Variants in PTK2 observed in about 807,000 individuals in gnomAD.
PTK2 encodes the protein focal adhesion kinase 1.
A neutral mutation model predicts 150.1 loss-of-function variants in PTK2; 45 were observed. The observed-to-expected ratio is 0.30, with a 90% CI of 0.24 to 0.38. The LOEUF (loss-of-function observed/expected upper bound fraction) is 0.38, where lower values mean the gene tolerates loss of function less well. Among genes scored for constraint, PTK2 ranks in the 10% least tolerant of loss-of-function variants. The probability of loss-of-function intolerance (pLI) is 1.00; values close to 1 mark genes in which losing one functional copy is unlikely to be tolerated. For missense variants in PTK2, 919 were observed against 1,307.3 expected (o/e 0.70, Z 4.58); for synonymous variants, 432 against 449.2 (o/e 0.96, Z 0.48).
chr8:140,789,654 T>C, intron 13 of PTK2, 128 bp from the exon 14 acceptor site: 1 of 804,840 alleles, frequency 1.2e-6, no homozygotes, highest in Non-Finnish European at 2.0e-6. Context: ...TCTTTAAAAA[T>C]TGGATTCTAC....
At chr8:140,963,834 AG>A (rs2100184249) in intron 1 of PTK2, among the ~76,000 whole-genome samples, 1 of 152,078 alleles carries the variant, frequency 6.6e-6, no homozygotes, top group Admixed American at 6.6e-5. Flanking sequence ...AGAATATTCC[AG>A]GGGGAACAGG....
rs560282368 is a variant in PTK2 at position 140,735,928 on chromosome 8, C to A, written c.1826-473G>T. Reference sequence around the variant, plus strand: ...CTTCCCTTAACAAGGTTGGCCTCTTCTTGTCTAGAGTGCATAAAGGCACCA... The same window carrying A: ...CTTCCCTTAACAAGGTTGGCCTCTTATTGTCTAGAGTGCATAAAGGCACCA... On this transcript the variant is annotated intron_variant, in intron 21 of 31. Coordinates refer to ENST00000522684, the Ensembl canonical transcript of PTK2. Among the ~76,000 whole-genome samples the A allele has an allele frequency of 1.2e-4, 18 of 152,314 alleles. No homozygotes were observed. The South Asian group carries it at 3.3e-3, about 28-fold the overall frequency.
intron 4 of PTK2, among the ~76,000 whole-genome samples, chr8:140,867,393 G>A (rs571559194): frequency 5.4e-4 from 82 of 152,302 alleles, no homozygotes; most frequent in Admixed American, 8.5e-4. Flanking sequence ...CAGCTATTTA[G>A]AGGTAGGCAT....
Position 140,989,262 on chromosome 8 carries a change from G to A in PTK2, c.-122+11863C>T, listed in dbSNP as rs542793854. Among the ~76,000 whole-genome samples the A allele has an allele frequency of 1.8e-4, 26 of 146,482 alleles. No homozygotes were observed. The South Asian group carries it at 5.3e-3, about 30-fold the overall frequency. ...AAAATTTAAAATTAGCCAGCAGGGT[G>A]ATACACCTGTATTCCCAGCTACTCA... On this transcript the variant is annotated intron_variant, in intron 1 of 31. Coordinates refer to ENST00000522684, the Ensembl canonical transcript of PTK2.
chr8:140,674,077 G>T (rs779651565), intron 29 of PTK2: 1 of 696,286 alleles, frequency 1.4e-6, no homozygotes, highest in South Asian at 1.4e-5. Flanking sequence ...CTATTACACT[G>T]AGAGGAAAAT....
chr8:140,975,883 G>C (rs1382024153), intron 1 of PTK2, among the ~76,000 whole-genome samples: 1 of 152,102 alleles, frequency 6.6e-6, no homozygotes, highest in Non-Finnish European at 1.5e-5. Context: ...GCACAAAACA[G>C]TATTTTTTAA....
intron 10 of PTK2, among the ~76,000 whole-genome samples, chr8:140,810,766 C>A (rs2100101029): frequency 6.6e-6 from 1 of 152,240 alleles, no homozygotes; most frequent in South Asian, 2.1e-4. Context: ...CCACTGCCAG[C>A]ACCCCATGCT....
Position 140,890,479 on chromosome 8 carries a change from A to G in PTK2, c.195+64T>C, listed in dbSNP as rs546198430. ...AAAAATTATTACACTATCTTTTTTC[A>G]TACATGCCATTACATTTTAACCTAA... On this transcript the variant is annotated intron_variant, in intron 3 of 31. Transcript: ENST00000522684. 8.2e-5 allele frequency: 109 copies of G among 1,336,764 alleles called. 3 individuals are homozygous for G. In the South Asian group the frequency reaches 1.4e-3, roughly 17 times the overall value. 82.8% of individuals were successfully genotyped at this position (1,336,764 alleles called of 1,614,324 possible).
At chr8:140,914,164 T>G (rs1159557135) in intron 2 of PTK2, among the ~76,000 whole-genome samples, 1 of 152,166 alleles carries the variant, frequency 6.6e-6, no homozygotes, top group Non-Finnish European at 1.5e-5. Context: ...ACTCTAAAAT[T>G]ATGTGAGCTA....
chr8:140,760,137 A>T (rs1270522057), intron 16 of PTK2, among the ~76,000 whole-genome samples: 1 of 151,800 alleles, frequency 6.6e-6, no homozygotes, highest in Non-Finnish European at 1.5e-5. Context: ...CAGAAGAATC[A>T]CTTGAACCTG....
rs577556658 is a variant in PTK2, at chr8:140,942,084, G to C, written c.-121-16335C>G. ...TTAAAATTTTTTGTAGAGATGAGGT[G>C]TTGCCATGTTGTTCAAACTCCTGGG... is the stretch of plus-strand genomic sequence containing the variant. On this transcript the variant is annotated intron_variant, in intron 1 of 31. Coordinates refer to ENST00000522684, the Ensembl canonical transcript of PTK2. Among the ~76,000 whole-genome samples, 4 of 151,634 alleles carry C rather than the reference G, an allele frequency of 2.6e-5. No homozygotes were observed. In the South Asian group the frequency reaches 8.4e-4, roughly 32 times the overall value.
chr8:140,692,049 T>C (rs1171611601), intron 26 of PTK2, among the ~76,000 whole-genome samples: 1 of 152,238 alleles, frequency 6.6e-6, no homozygotes, highest in Non-Finnish European at 1.5e-5. Context: ...TATTGTTTCA[T>C]GTGTTTACAT....
intron 8 of PTK2, chr8:140,820,450 T>C (rs947461963): frequency 6.6e-6 from 1 of 152,346 alleles, no homozygotes; most frequent in Non-Finnish European, 1.5e-5. Context: ...GTGAACAGTA[T>C]GAAAGGAGCA....
At chr8:140,813,017 T>C (rs577486315) in intron 10 of PTK2, among the ~76,000 whole-genome samples, 1 of 152,202 alleles carries the variant, frequency 6.6e-6, no homozygotes, top group South Asian at 2.1e-4. Context: ...GAATTCAACA[T>C]TGGATCAAAT....
chr8:140,994,591 C>T (rs1366240605), intron 1 of PTK2, among the ~76,000 whole-genome samples: 1 of 152,162 alleles, frequency 6.6e-6, no homozygotes, highest in Non-Finnish European at 1.5e-5. Context: ...AAGCAATCCT[C>T]CCAAAACAAT....
At chr8:140,919,905 G>A (rs187191150) in intron 2 of PTK2, among the ~76,000 whole-genome samples, 54 of 152,136 alleles carry the variant, frequency 3.5e-4, no homozygotes, top group African/African-American at 1.2e-3. Flanking sequence ...AAATAAAAGC[G>A]ATTTTAATGG....
At chr8:140,768,929 A>T (rs1040112576) in intron 14 of PTK2, among the ~76,000 whole-genome samples, 15 of 152,186 alleles carry the variant, frequency 9.9e-5, no homozygotes, top group Admixed American at 6.5e-5. Flanking sequence ...TCATTTAATC[A>T]GGAGGAAAAA....
chr8:140,953,970 A>T (rs2100180370), intron 1 of PTK2, among the ~76,000 whole-genome samples: 1 of 144,882 alleles, frequency 6.9e-6, no homozygotes, highest in African/African-American at 2.6e-5. Context: ...GCTGGTCTGA[A>T]TTTTTTTTTT....
chr8:140,922,364 G>A (rs2100167799), intron 2 of PTK2, among the ~76,000 whole-genome samples: 1 of 151,784 alleles, frequency 6.6e-6, no homozygotes, highest in Admixed American at 6.6e-5. Context: ...AGAAAAACAT[G>A]AGCAAGCTAG....
Sources: allele counts gnomAD v4.1 joint callset (sites outside exome capture counted in the v4.1 genomes callset), GRCh38; gene constraint gnomAD v4.1.1; transcripts MANE v1.5; gene names NCBI Gene and HGNC (gene_info 2026-07-23, HGNC 2026-07-21).